KIAA1217: variants seen among roughly 807,000 people sequenced by gnomAD.
The protein encoded by KIAA1217 is sickle tail protein homolog.
A neutral mutation model predicts 163.9 loss-of-function variants in KIAA1217; 88 were observed. The ratio of observed to expected loss-of-function variants is 0.54; its 90% confidence interval spans 0.45 to 0.64. KIAA1217 has a LOEUF of 0.64. Among genes scored for constraint, KIAA1217 ranks in the 30% least tolerant of loss-of-function variants. The pLI is 0.00. For missense variants in KIAA1217, 2,372 were observed against 2,475.0 expected, an observed-to-expected ratio of 0.96 and a Z score of 0.88; for synonymous variants, 903 against 923.1, an observed-to-expected ratio of 0.98 and a Z score of 0.39.
At chr10:24,098,079 G>A (rs912752233) in intron 2 of KIAA1217, among the ~76,000 whole-genome samples, 5 of 152,094 alleles carry the variant, frequency 3.3e-5, no homozygotes, top group African/African-American at 9.7e-5. Flanking sequence ...ACGTAAAGCC[G>A]TGCTTGTGAG....
intron 1 of KIAA1217, among the ~76,000 whole-genome samples, chr10:23,952,073 A>T (rs1398423733): frequency 6.6e-6 from 1 of 152,208 alleles, no homozygotes; most frequent in Admixed American, 6.5e-5. Context: ...GGAACGGCTT[A>T]CATATGGGGA....
At chr10:23,810,217 T>G (rs1290809984) in intron 1 of KIAA1217, among the ~76,000 whole-genome samples, 2 of 150,978 alleles carry the variant, frequency 1.3e-5, no homozygotes, top group Admixed American at 1.3e-4. Flanking sequence ...CATTCATCTA[T>G]CTGTCTGTCT....
intron 1 of KIAA1217, among the ~76,000 whole-genome samples, chr10:23,857,453 A>C (rs896830373): frequency 6.6e-6 from 1 of 152,216 alleles, no homozygotes; most frequent in African/African-American, 2.4e-5. Context: ...CCCTGTCATT[A>C]ATAATGATGA....
chr10:23,814,481 G>T lies in KIAA1217; in HGVS notation c.-321+119247G>T, dbSNP rs1013444663. Among the ~76,000 whole-genome samples, 73 of 152,272 alleles carry T rather than the reference G, an allele frequency of 4.8e-4. 1 individual carries two copies. The highest frequency in any genetic ancestry group is 1.7e-3 in the African/African-American group (72 of 41,568). ...TCAATATATGTTAGCTATTTCCCAT[G>T]ACTGTTCACTCAGTATCCCTAACTG... On this transcript the variant is annotated intron_variant, in intron 1 of 18. Transcript: ENST00000376462.
chr10:24,187,034 C>G (rs2066466215), intron 2 of KIAA1217, among the ~76,000 whole-genome samples: 2 of 152,200 alleles, frequency 1.3e-5, no homozygotes, highest in South Asian at 4.1e-4. Flanking sequence ...TACTCCTCTT[C>G]CAACGGTGCC....
At chr10:24,201,478 T>C (rs2067251199) in intron 2 of KIAA1217, among the ~76,000 whole-genome samples, 2 of 152,094 alleles carry the variant, frequency 1.3e-5, no homozygotes, top group African/African-American at 4.8e-5. Context: ...AAATGAAGAA[T>C]GTTAAGCTCT....
chr10:24,009,935 G>A (rs1847169224), intron 2 of KIAA1217, among the ~76,000 whole-genome samples: 1 of 152,098 alleles, frequency 6.6e-6, no homozygotes, highest in African/African-American at 2.4e-5. Flanking sequence ...CTCTGTCCTT[G>A]TGGTTGTCCA....
intron 1 of KIAA1217, among the ~76,000 whole-genome samples, chr10:23,824,105 CTACAAAAAA>C (rs1010193841): frequency 6.6e-6 from 1 of 151,874 alleles, no homozygotes; most frequent in Non-Finnish European, 1.5e-5. Flanking sequence ...AACCCCATCT[CTACAAAAAA>C]TACAAAAAAT....
At position 24,095,132 on chromosome 10, in the gene KIAA1217, T is replaced by C. The variant is rs1457041383; in HGVS notation, c.-171+87758T>C. 2.0e-5 allele frequency among the ~76,000 whole-genome samples: 3 copies of C among 152,244 alleles called. No homozygotes were observed. In the East Asian group the frequency reaches 5.8e-4, roughly 29 times the overall value. The stretch of plus-strand genomic sequence containing the variant: ...GAGTGGCCCGATTTTCCAGGTGCCA[T>C]CTGTCACCCCTTTCCTTGACCAGGA... On this transcript the variant is annotated intron_variant, in intron 2 of 18. Coordinates refer to the KIAA1217 transcript ENST00000376462.
At chr10:24,125,595 A>G (rs980581556) in intron 2 of KIAA1217, among the ~76,000 whole-genome samples, 2 of 152,064 alleles carry the variant, frequency 1.3e-5, no homozygotes, top group South Asian at 4.2e-4. Flanking sequence ...TGAGTATCAA[A>G]GTAGTCCAAG....
At chr10:23,819,928 A>G (rs942411618) in intron 1 of KIAA1217, among the ~76,000 whole-genome samples, 6 of 152,198 alleles carry the variant, frequency 3.9e-5, no homozygotes, top group African/African-American at 1.2e-4. Context: ...CTTCTGGACT[A>G]AACAATTCTC....
rs1009523116 is a variant in KIAA1217 at position 24,546,380 on chromosome 10, TACA to T, written c.*62_*64del. On this transcript the variant is annotated 3_prime_UTR_variant, in exon 21 of 21. Coordinates refer to ENST00000376454, the MANE Select transcript of KIAA1217 (RefSeq NM_019590.5). ...TTACATTTAAAAAAAATTAACAGTCTACAACAACTGTTTTCACAAGAGAATGTA... is the reference window on the plus strand; with the variant it reads ...TTACATTTAAAAAAAATTAACAGTCTACAACTGTTTTCACAAGAGAATGTA... 7.5e-6 allele frequency: 11 copies of T among 1,475,102 alleles called. No individual in the cohort carries two copies. The highest frequency in any genetic ancestry group is 1.4e-5 in the South Asian group (1 of 73,934). The allele number at this position is 1,475,102 out of a possible 1,614,324, so 91.4% of individuals were successfully genotyped here.
intron 2 of KIAA1217, among the ~76,000 whole-genome samples, chr10:24,328,971 A>G (rs1352086164): frequency 1.3e-5 from 2 of 151,372 alleles, no homozygotes; most frequent in Admixed American, 1.3e-4. Flanking sequence ...CATTTGTAGT[A>G]TATTGCATAG....
At chr10:23,827,214 G>A (rs969853810) in intron 1 of KIAA1217, among the ~76,000 whole-genome samples, 1 of 152,132 alleles carries the variant, frequency 6.6e-6, no homozygotes, top group Non-Finnish European at 1.5e-5. Context: ...AGAAGCTCTG[G>A]GAATAAGGAG....
chr10:23,855,571 G>A (rs1839612044), intron 1 of KIAA1217, among the ~76,000 whole-genome samples: 2 of 152,176 alleles, frequency 1.3e-5, no homozygotes, highest in South Asian at 4.1e-4. Flanking sequence ...TGCCTTGCTA[G>A]ATTGGGGAAG....
At chr10:24,401,480 G>A (rs904903412) in intron 3 of KIAA1217, among the ~76,000 whole-genome samples, 2 of 152,126 alleles carry the variant, frequency 1.3e-5, no homozygotes, top group Admixed American at 6.5e-5. Flanking sequence ...ACAGGCTGAA[G>A]AAGGAGAATC....
chr10:24,049,134 G>C (rs1849294691), intron 2 of KIAA1217, among the ~76,000 whole-genome samples: 1 of 151,234 alleles, frequency 6.6e-6, no homozygotes, highest in Non-Finnish European at 1.5e-5. Context: ...CCTAGATTCT[G>C]TTGAAATTCA....
intron 2 of KIAA1217, among the ~76,000 whole-genome samples, chr10:24,250,695 C>G (rs188000917): frequency 0.039 from 3,270 of 84,230 alleles, 227 homozygotes; most frequent in Non-Finnish European, 0.06. Flanking sequence ...GCCCACCCCC[C>G]GCCCCTCGGC....
At chr10:23,722,594 A>C (rs1248907419) in intron 1 of KIAA1217, among the ~76,000 whole-genome samples, 1 of 151,954 alleles carries the variant, frequency 6.6e-6, no homozygotes, top group Non-Finnish European at 1.5e-5. Flanking sequence ...GTCTGTTTTC[A>C]CTCTTGGTTT....
Sources: gnomAD v4.1 joint callset for allele counts (sites outside exome capture counted in the v4.1 genomes callset) on GRCh38, gnomAD v4.1.1 for gene constraint, MANE v1.5 for transcripts, NCBI Gene and HGNC (gene_info 2026-07-23, HGNC 2026-07-21) for gene names.